Variants in BEND7 observed in about 807,000 individuals in gnomAD.
BEND7 encodes the protein BEN domain-containing protein 7.
Under a neutral mutation model 50.9 loss-of-function variants are expected in BEND7, and 28 were observed. The observed-to-expected ratio is 0.55, with a 90% CI of 0.41 to 0.75. BEND7 has a LOEUF of 0.75. Among genes scored for constraint, BEND7 ranks in the 30% least tolerant of loss-of-function variants. BEND7 has a pLI of 0.00. For missense variants in BEND7, 477 were observed against 491.3 expected (o/e 0.97, Z 0.28); for synonymous variants, 170 against 183.9 (o/e 0.92, Z 0.61).
intron 2 of BEND7, chr10:13,500,922 A>T: frequency 1.3e-6 from 1 of 799,808 alleles, no homozygotes; most frequent in Non-Finnish European, 1.5e-6. Context: ...CTGTGTGCGA[A>T]AGGTCACAGG....
At chr10:13,485,404 T>A (rs1032712574) in intron 5 of BEND7, among the ~76,000 whole-genome samples, 1 of 152,194 alleles carries the variant, frequency 6.6e-6, no homozygotes, top group African/African-American at 2.4e-5. Flanking sequence ...TTATATAGGG[T>A]CACCTTTGCA....
intron 7 of BEND7, among the ~76,000 whole-genome samples, chr10:13,447,536 CTTTTTT>C (rs11346528): frequency 1.2e-5 from 1 of 86,088 alleles, no homozygotes; most frequent in African/African-American, 5.2e-5. Context: ...CGTATTAAAA[CTTTTTT>C]TTTTTTTTTT....
At chr10:13,503,736 C>CAAACAAACA (rs573611466) in intron 2 of BEND7, among the ~76,000 whole-genome samples, 1 of 151,038 alleles carries the variant, frequency 6.6e-6, no homozygotes, top group Non-Finnish European at 1.5e-5. Context: ...AACAAACAAA[C>CAAACAAACA]AACAACTAAA....
chr10:13,440,713 GAGA>G (rs58755856), downstream of BEND7, among the ~76,000 whole-genome samples: 1,301 of 152,364 alleles, frequency 8.5e-3, 20 homozygotes, highest in African/African-American at 0.03. Context: ...CTCAGCATCG[GAGA>G]AGATTGATTT....
At chr10:13,448,528 C>T (rs994269220) in intron 7 of BEND7, among the ~76,000 whole-genome samples, 12 of 152,148 alleles carry the variant, frequency 7.9e-5, no homozygotes, top group South Asian at 2.1e-4. Flanking sequence ...GGCTTAGCTA[C>T]GGCTAGAAAT....
At chr10:13,524,112 C>T (rs1428255290) in intron 2 of BEND7, among the ~76,000 whole-genome samples, 1 of 152,206 alleles carries the variant, frequency 6.6e-6, no homozygotes, top group Non-Finnish European at 1.5e-5. Context: ...GAATCCTGGG[C>T]ACTAGCATCC....
intron 6 of BEND7, among the ~76,000 whole-genome samples, chr10:13,463,275 C>T (rs1449179631): frequency 2.0e-5 from 3 of 152,100 alleles, no homozygotes; most frequent in African/African-American, 4.8e-5. Context: ...GTTAGAAGAA[C>T]CCATTTCTTC....
chr10:13,520,448 G>A (rs1375599307), intron 2 of BEND7, among the ~76,000 whole-genome samples: 1 of 151,812 alleles, frequency 6.6e-6, no homozygotes, highest in African/African-American at 2.4e-5. Context: ...GAGATGGGTC[G>A]GGTCAGACCG....
intron 8 of BEND7, 131 bp downstream of exon 8, chr10:13,447,135 G>A (rs1424105107): frequency 1.2e-6 from 1 of 868,296 alleles, no homozygotes; most frequent in Non-Finnish European, 1.9e-6. Context: ...TCCAATGACG[G>A]GGCCTGGTCC....
At chr10:13,512,298 C>T (rs893051315) in intron 2 of BEND7, among the ~76,000 whole-genome samples, 2 of 152,114 alleles carry the variant, frequency 1.3e-5, no homozygotes, top group African/African-American at 2.4e-5. Flanking sequence ...AAACTTGGTC[C>T]ATGTGAAGCC....
chr10:13,479,014 T>G (rs1426495817), intron 6 of BEND7, among the ~76,000 whole-genome samples: 2 of 151,270 alleles, frequency 1.3e-5, no homozygotes, highest in Non-Finnish European at 2.9e-5. Flanking sequence ...TACTTTTTTT[T>G]TTTTTTTTTT....
intron 2 of BEND7, among the ~76,000 whole-genome samples, chr10:13,506,682 C>A (rs1589005588): frequency 6.6e-6 from 1 of 152,124 alleles, no homozygotes; most frequent in East Asian, 1.9e-4. Context: ...ATAGAGGAAC[C>A]TGGCTAGAAT....
intron 2 of BEND7, among the ~76,000 whole-genome samples, chr10:13,511,731 C>G (rs1401186548): frequency 6.6e-6 from 1 of 150,858 alleles, no homozygotes; most frequent in Non-Finnish European, 1.5e-5. Flanking sequence ...TAGTATGTAC[C>G]AGGCCTCTGG....
chr10:13,496,892 A>C lies in BEND7; in HGVS notation c.449-4T>G. The stretch of plus-strand genomic sequence containing the variant: ...GAATTCACCACTGGAAGTTCTCCTG[A>C]GCATGAAAGAAAAGAATGACATACT... On this transcript the variant is annotated splice_region_variant and splice_polypyrimidine_tract_variant and intron_variant, in intron 3 of 8. Transcript: ENST00000466271. 1.3e-6 allele frequency: 2 copies of C among 1,594,244 alleles called. No individual in the cohort carries two copies. The highest frequency in any genetic ancestry group is 1.7e-6 in the Non-Finnish European group (2 of 1,173,164).
chr10:13,479,179 T>C (rs905853466), intron 6 of BEND7, among the ~76,000 whole-genome samples: 1 of 152,008 alleles, frequency 6.6e-6, no homozygotes, highest in African/African-American at 2.4e-5. Context: ...GCTAATTTTT[T>C]TTAATTTTTA....
chr10:13,474,070 C>T (rs1231884249), intron 6 of BEND7, among the ~76,000 whole-genome samples: 1 of 152,084 alleles, frequency 6.6e-6, no homozygotes, highest in African/African-American at 2.4e-5. Flanking sequence ...CGATACCCAT[C>T]ATCACTGTTA....
chr10:13,448,908 G>C (rs1837052764), intron 7 of BEND7, among the ~76,000 whole-genome samples: 1 of 150,634 alleles, frequency 6.6e-6, no homozygotes, highest in South Asian at 2.1e-4. Context: ...CCGGGAGGCG[G>C]AGCTTGGTGA....
chr10:13,451,087 G>A (rs1046358733), intron 7 of BEND7, among the ~76,000 whole-genome samples: 1 of 152,024 alleles, frequency 6.6e-6, no homozygotes, highest in African/African-American at 2.4e-5. Context: ...GCATGGGGAA[G>A]GCAGCAGAAC....
Position 13,444,079 on chromosome 10 carries a change from T to C in BEND7, c.1235-2329A>G, listed in dbSNP as rs555293002. The C allele has an allele frequency of 7.9e-5, 12 of 152,224 alleles. 1 individual carries two copies. In the South Asian group the frequency reaches 1.7e-3, roughly 21 times the overall value. 9.4% of individuals were successfully genotyped at this position (152,224 alleles called of 1,614,324 possible). On this transcript the variant is annotated intron_variant, in intron 8 of 8. Transcript: ENST00000466271. The stretch of plus-strand genomic sequence containing the variant: ...ACTTTCTCTATACTTTTTTTTTTAA[T>C]GCAAATTGTCCCCAGCTCCTGGGTG...
Sources: allele counts gnomAD v4.1 joint callset (sites outside exome capture counted in the v4.1 genomes callset), GRCh38; gene constraint gnomAD v4.1.1; transcripts MANE v1.5; gene names NCBI Gene and HGNC (gene_info 2026-07-23, HGNC 2026-07-21).